ALMS1: variants seen among roughly 807,000 people sequenced by gnomAD.
ALMS1 encodes the protein ALMS1 centrosome and basal body associated protein.
ALMS1 carries 271 observed loss-of-function variants against 352.2 expected under a neutral mutation model. The ratio of observed to expected loss-of-function variants is 0.77; its 90% CI spans 0.70 to 0.85. The LOEUF (loss-of-function observed/expected upper bound fraction) is 0.85, where lower values mean the gene tolerates loss of function less well. Among genes scored for constraint, ALMS1 ranks in the 40% least tolerant of loss-of-function variants. The pLI is 0.00. For synonymous variants in ALMS1, 1,865 were observed against 1,761.2 expected, an observed-to-expected ratio of 1.06 and a Z score of -1.48; for missense variants, 5,445 against 4,870.7, an observed-to-expected ratio of 1.12 and a Z score of -3.51.
intron 9 of ALMS1, among the ~76,000 whole-genome samples, chr2:73,479,732 G>T (rs78650010): frequency 0.033 from 5,030 of 152,200 alleles, 290 homozygotes; most frequent in African/African-American, 0.11. Context: ...TGGGGTAGAT[G>T]CCCAGGATTG....
intron 10 of ALMS1, among the ~76,000 whole-genome samples, chr2:73,499,803 A>G (rs780262597): frequency 1.3e-5 from 2 of 152,104 alleles, no homozygotes; most frequent in Non-Finnish European, 2.9e-5. Context: ...TCCCTGTGGT[A>G]ATGAGTGAGT....
rs1268360103 is a variant in ALMS1 at position 73,602,182 on chromosome 2, T to C, written c.12115-3T>C. 3 of 1,613,654 alleles carry C rather than the reference T, an allele frequency of 1.9e-6. No individual in the cohort carries two copies. The highest frequency in any genetic ancestry group is 2.2e-5 in the East Asian group (1 of 44,866). On this transcript the variant is annotated splice_region_variant and splice_polypyrimidine_tract_variant and intron_variant, in intron 19 of 22. Coordinates refer to ENST00000613296, the MANE Select transcript of ALMS1 (RefSeq NM_001378454.1). ...GGCATTTTCTCTTTTTTTTTTCTTT[T>C]AGGAATCGCTTCAGTTTCACAGACC...
At chr2:73,496,135 G>A (rs191033481) in intron 10 of ALMS1, among the ~76,000 whole-genome samples, 4 of 151,926 alleles carry the variant, frequency 2.6e-5, no homozygotes, top group South Asian at 2.1e-4. Flanking sequence ...GAAAATTTCC[G>A]TACTTATAAA....
At position 73,454,009 on chromosome 2, in the gene ALMS1, T is replaced by A; in HGVS notation, c.7482T>A (p.Asn2494Lys). 2.5e-6 allele frequency: 4 copies of A among 1,613,728 alleles called. No homozygotes were observed. The highest frequency in any genetic ancestry group is 2.5e-6 in the Non-Finnish European group (3 of 1,179,874). Residue 2494 changes from asparagine to lysine, a missense_variant, in exon 8 of 23, where the codon AAT becomes AAA. By Grantham distance (94) the Asn-to-Lys change is moderately conservative. Transcript: ENST00000613296. ...TTCTGCAATGTGAATCCTCACTGAA[T>A]CATGCTAAAGAAATACTCAGAAATG... ...KNLLQCESSL[N>K]HAKEILRNAE...
At chr2:73,429,676 TC>T (rs1174446226) in intron 6 of ALMS1, among the ~76,000 whole-genome samples, 1 of 152,122 alleles carries the variant, frequency 6.6e-6, no homozygotes, top group East Asian at 1.9e-4. Context: ...CCCCTTCATA[TC>T]CCCCCACCTT....
intron 9 of ALMS1, among the ~76,000 whole-genome samples, chr2:73,465,824 G>A (rs1672327811): frequency 6.6e-6 from 1 of 152,170 alleles, no homozygotes. Flanking sequence ...AGTGGGTGAA[G>A]GATATGAACA....
intron 1 of ALMS1, among the ~76,000 whole-genome samples, chr2:73,389,799 C>T (rs942787491): frequency 6.6e-6 from 1 of 152,098 alleles, no homozygotes. Context: ...AAGCAATTCT[C>T]CTGCCTCAGC....
At chr2:73,485,730 C>T (rs866409261) in intron 9 of ALMS1, among the ~76,000 whole-genome samples, 25 of 152,130 alleles carry the variant, frequency 1.6e-4, no homozygotes, top group African/African-American at 5.1e-4. Flanking sequence ...AGCGAGACTC[C>T]GTGGGCCTAG....
intron 15 of ALMS1, among the ~76,000 whole-genome samples, chr2:73,565,217 G>T (rs545915601): frequency 6.6e-6 from 1 of 152,120 alleles, no homozygotes; most frequent in Non-Finnish European, 1.5e-5. Context: ...CTGATTCTCA[G>T]ACTGGGACAG....
rs1338438148 is a variant in ALMS1, at chr2:73,463,772, C to T, written c.7674+8477C>T. The stretch of plus-strand genomic sequence containing the variant: ...AAAATGATAAAGGGGATATCACCAC[C>T]GATCCCACAGAAATACAAACTACCA... On this transcript the variant is annotated intron_variant, in intron 9 of 22. Coordinates refer to ENST00000613296, the MANE Select transcript of ALMS1 (RefSeq NM_001378454.1). Among the ~76,000 whole-genome samples the T allele has an allele frequency of 8.5e-5, 12 of 141,542 alleles. 1 individual carries two copies. The highest frequency in any genetic ancestry group is 2.2e-4 in the Admixed American group (3 of 13,838). The allele number at this position is 141,542 out of a possible 152,430, so 92.9% of individuals were successfully genotyped here.
chr2:73,528,661 G>GT (rs58535797), intron 11 of ALMS1, among the ~76,000 whole-genome samples: 102 of 149,054 alleles, frequency 6.8e-4, no homozygotes, highest in African/African-American at 1.4e-3. Context: ...GTTGGGTCTT[G>GT]TTTTTTTTTG....
Position 73,491,439 on chromosome 2 carries a change from G to A in ALMS1, c.9480G>A (p.Val3160=), listed in dbSNP as rs752405413. ...SQIVTSRQIQ[V]NISDFEGHSN... is the part of the protein sequence containing the mutation. Reference sequence around the variant, plus strand: ...TAGTAACCTCCAGGCAAATACAAGTGAACATTTCAGATTTCGAAGGACATT... The same window carrying A: ...TAGTAACCTCCAGGCAAATACAAGTAAACATTTCAGATTTCGAAGGACATT... Residue 3160 remains valine (V), a synonymous_variant, in exon 10 of 23, where the codon GTG becomes GTA. Coordinates refer to ENST00000613296, the MANE Select transcript of ALMS1 (RefSeq NM_001378454.1). 3.1e-6 allele frequency: 5 copies of A among 1,614,086 alleles called. No homozygotes were observed. The highest frequency in any genetic ancestry group is 3.3e-5 in the Admixed American group (2 of 60,020).
At chr2:73,599,670 A>T in intron 17 of ALMS1, 149 bp downstream of exon 17, 1 of 998,142 alleles carries the variant, frequency 1.0e-6, no homozygotes, top group Non-Finnish European at 1.5e-6. Context: ...GCATAAATTC[A>T]AGTTTGATGG....
intron 16 of ALMS1, 146 bp from the exon 17 acceptor site, chr2:73,599,255 C>T (rs1675619069): frequency 2.0e-6 from 2 of 1,018,710 alleles, no homozygotes; most frequent in Non-Finnish European, 3.0e-6. Flanking sequence ...TACAAGGCAG[C>T]AAGTTCACAG....
intron 15 of ALMS1, among the ~76,000 whole-genome samples, chr2:73,570,063 G>C (rs1169302055): frequency 1.3e-5 from 2 of 152,202 alleles, no homozygotes; most frequent in Non-Finnish European, 2.9e-5. Flanking sequence ...ATGTGTGATT[G>C]TTTGGTGAAG....
chr2:73,447,460 A>G (rs1174003664), intron 7 of ALMS1, among the ~76,000 whole-genome samples: 3 of 152,114 alleles, frequency 2.0e-5, no homozygotes, highest in Non-Finnish European at 2.9e-5. Flanking sequence ...CACTGCACGC[A>G]TAGCATCCCT....
Position 73,424,584 on chromosome 2 carries a change from G to A in ALMS1, c.919G>A (p.Gly307Arg), listed in dbSNP as rs749301872. Residue 307 changes from glycine (G) to arginine (R), a missense_variant, in exon 5 of 23, where the codon GGG becomes AGG. Coordinates refer to ENST00000613296, the MANE Select transcript of ALMS1 (RefSeq NM_001378454.1). ...CCCGCTTATAGGCAGCACAGCTGTT[G>A]GGTCTCAGTGCCCTTTTTTACCTTC... ...QHPLIGSTAV[G>R]SQCPFLPSEQ... The A allele has an allele frequency of 1.2e-6, 2 of 1,613,918 alleles. No homozygotes were observed. Among genetic ancestry groups the A allele is most frequent in the East Asian group, 4.5e-5 (2 of 44,850 alleles).
intron 7 of ALMS1, among the ~76,000 whole-genome samples, chr2:73,441,296 C>G (rs866397238): frequency 6.6e-6 from 1 of 152,218 alleles, no homozygotes; most frequent in African/African-American, 2.4e-5. Context: ...GCCAGTGCCA[C>G]TGGGGAAGGA....
At position 73,452,680 on chromosome 2, in the gene ALMS1, A is replaced by T. The variant is rs1671972805; in HGVS notation, c.6153A>T (p.Thr2051=). ...QTAFHSSYSQ[T]VKPNILFQQQ... ...CTTTTCATAGTTCCTATTCTCAAACAGTAAAGCCCAATATTTTATTTCAAC... is the reference window on the plus strand; with the variant it reads ...CTTTTCATAGTTCCTATTCTCAAACTGTAAAGCCCAATATTTTATTTCAAC... The change falls in exon 8 of 23, where the codon ACA becomes ACT. Residue 2051 remains threonine (T), a synonymous_variant. Coordinates refer to ENST00000613296, the MANE Select transcript of ALMS1 (RefSeq NM_001378454.1). 6.2e-7 allele frequency: 1 copy of T among 1,613,966 alleles called. No homozygotes were observed. The highest frequency in any genetic ancestry group is 8.5e-7 in the Non-Finnish European group (1 of 1,179,992).
Sources: allele counts gnomAD v4.1 joint callset (sites outside exome capture counted in the v4.1 genomes callset), GRCh38; gene constraint gnomAD v4.1.1; transcripts MANE v1.5; gene names NCBI Gene and HGNC (gene_info 2026-07-23, HGNC 2026-07-21).